Variants in LARP4B observed in about 807,000 individuals in gnomAD.
The protein encoded by LARP4B is La ribonucleoprotein 4B.
Under a neutral mutation model 89.8 loss-of-function variants are expected in LARP4B, and 12 were observed. The ratio of observed to expected loss-of-function variants is 0.13; its 90% CI spans 0.09 to 0.22. The LOEUF is 0.22. LARP4B is among the 10% of genes least tolerant of loss of function. The pLI is 1.00. For missense variants in LARP4B, 757 were observed against 947.7 expected (o/e 0.80, Z 2.64); for synonymous variants, 367 against 363.3 (o/e 1.01, Z -0.12).
At chr10:983,455 TCA>T in the LARP4B span, among the ~76,000 whole-genome samples, 2 of 152,182 alleles carry the variant, frequency 1.3e-5, no homozygotes, top group Non-Finnish European at 2.9e-5. Flanking sequence ...AATTTTCTTT[TCA>T]CAGTTTTGGA....
intron 5 of LARP4B, among the ~76,000 whole-genome samples, chr10:848,437 G>A (rs947496707): frequency 6.6e-6 from 1 of 152,012 alleles, no homozygotes; most frequent in African/African-American, 2.4e-5. Context: ...CCATGACAAT[G>A]AGAAGTATCA....
At chr10:907,634 A>G (rs1025674788) in intron 1 of LARP4B, among the ~76,000 whole-genome samples, 1 of 152,204 alleles carries the variant, frequency 6.6e-6, no homozygotes, top group African/African-American at 2.4e-5. Flanking sequence ...AGATCGTGAA[A>G]TATATATATT....
the LARP4B span, among the ~76,000 whole-genome samples, chr10:959,819 G>A: frequency 4.4e-5 from 4 of 91,324 alleles, no homozygotes; most frequent in African/African-American, 1.3e-4. Context: ...CCACCTCCTC[G>A]TCATTCCCAC....
At chr10:915,627 A>T (rs1014038646) in intron 1 of LARP4B, among the ~76,000 whole-genome samples, 1 of 151,996 alleles carries the variant, frequency 6.6e-6, no homozygotes, top group Non-Finnish European at 1.5e-5. Context: ...ACACGGTGAA[A>T]CCCCATCTCT....
rs1043131296 is a variant in LARP4B, at chr10:873,012, C to T, written c.142-8742G>A. ...GTACGGTGAACCTCCTCACCTTTGA[C>T]GGTATCAAATAATGAAGACAAAGTT... On this transcript the variant is annotated intron_variant, in intron 3 of 17. Transcript: ENST00000316157. The T allele has an allele frequency of 2.5e-5, 25 of 984,540 alleles. No individual in the cohort carries two copies. The African/African-American group carries it at 3.0e-4, about 12-fold the overall frequency. 61.0% of individuals were successfully genotyped at this position (984,540 alleles called of 1,614,324 possible). A position where few individuals can be genotyped will look rare whatever the true frequency, so the allele number is the denominator to read the frequency against.
intron 1 of LARP4B, among the ~76,000 whole-genome samples, chr10:902,739 G>A (rs1283886280): frequency 2.0e-5 from 3 of 151,528 alleles, no homozygotes; most frequent in African/African-American, 7.3e-5. Context: ...CCACATCCCA[G>A]GTTCAAGTGA....
the LARP4B span, among the ~76,000 whole-genome samples, chr10:975,525 T>C: frequency 1.9e-4 from 29 of 152,238 alleles, no homozygotes; most frequent in African/African-American, 6.5e-4. Flanking sequence ...ATGGAAGAAA[T>C]GCTGTTTTCT....
At chr10:855,794 C>T (rs1364995697) in intron 5 of LARP4B, among the ~76,000 whole-genome samples, 1 of 152,200 alleles carries the variant, frequency 6.6e-6, no homozygotes, top group Non-Finnish European at 1.5e-5. Flanking sequence ...GTGGTAGCTG[C>T]AAAGCACAAT....
At chr10:972,493 T>A in the LARP4B span, 1 of 456,782 alleles carries the variant, frequency 2.2e-6, no homozygotes, top group Non-Finnish European at 4.4e-6. Context: ...CAGCTCTCAT[T>A]CTATTCTCAG....
intron 1 of LARP4B, among the ~76,000 whole-genome samples, chr10:902,454 T>C (rs1460924306): frequency 7.9e-5 from 12 of 151,952 alleles, no homozygotes; most frequent in African/African-American, 2.9e-4. Flanking sequence ...GAAAAGCAAA[T>C]GGAAAAGTTG....
upstream of LARP4B, among the ~76,000 whole-genome samples, chr10:936,032 CTTTTA>C (rs1253853388): frequency 6.6e-6 from 1 of 152,022 alleles, no homozygotes; most frequent in Non-Finnish European, 1.5e-5. Context: ...GGTGAACATT[CTTTTA>C]TTTTATCCCG....
intron 1 of LARP4B, among the ~76,000 whole-genome samples, chr10:910,237 C>T (rs1836631400): frequency 6.6e-6 from 1 of 152,138 alleles, no homozygotes; most frequent in African/African-American, 2.4e-5. Context: ...TAAAAATCTA[C>T]TTCCAACTTC....
At position 812,800 on chromosome 10, in the gene LARP4B, C is replaced by G. The variant is rs188031987; in HGVS notation, c.*126G>C. 3.6e-6 allele frequency: 3 copies of G among 833,358 alleles called. No individual in the cohort carries two copies. In the African/African-American group the frequency reaches 5.2e-5, roughly 15 times the overall value. The allele number at this position is 833,358 out of a possible 1,614,324, so 51.6% of individuals were successfully genotyped here. On this transcript the variant is annotated 3_prime_UTR_variant, in exon 18 of 18. Coordinates refer to ENST00000316157, the MANE Select transcript of LARP4B (RefSeq NM_015155.3). ...AATCCAACTCACAGAAGAAAACCAACTTGAGGATCCCACAGGCCTCAGACA... is the reference window on the plus strand; with the variant it reads ...AATCCAACTCACAGAAGAAAACCAAGTTGAGGATCCCACAGGCCTCAGACA...
the LARP4B span, among the ~76,000 whole-genome samples, chr10:958,468 G>T: frequency 6.6e-6 from 1 of 152,174 alleles, no homozygotes; most frequent in Non-Finnish European, 1.5e-5. Context: ...CCTAAGGCAG[G>T]TCCCTTTCTC....
At position 812,974 on chromosome 10, in the gene LARP4B, C is replaced by T. The variant is rs2131587915; in HGVS notation, c.2169G>A (p.Gly723=). ...AGGRPSPSAM[G]KRLSREQSTP... is the part of the protein sequence containing the mutation. ...TGCTCTGCTCTCGGCTGAGACGCTT[C>T]CCCATGGCCGAGGGCGAGGGCCGGC... The change falls in exon 18 of 18, where the codon GGG becomes GGA. Residue 723 remains glycine, a synonymous_variant. Coordinates refer to ENST00000316157, the MANE Select transcript of LARP4B (RefSeq NM_015155.3). The T allele has an allele frequency of 6.3e-7, 1 of 1,575,720 alleles. No homozygotes were observed. Among genetic ancestry groups the T allele is most frequent in the East Asian group, 2.2e-5 (1 of 44,734 alleles).
intron 7 of LARP4B, among the ~76,000 whole-genome samples, chr10:837,352 T>C (rs1027495732): frequency 6.6e-6 from 1 of 152,220 alleles, no homozygotes; most frequent in Non-Finnish European, 1.5e-5. Context: ...ACATATTCTG[T>C]GCTTGTGGGT....
chr10:914,975 A>G (rs566567889), intron 1 of LARP4B, among the ~76,000 whole-genome samples: 1 of 152,328 alleles, frequency 6.6e-6, no homozygotes, highest in South Asian at 2.1e-4. Context: ...TTTTGCTAAA[A>G]TTGAACATTA....
chr10:925,900 T>G (rs906075057), intron 1 of LARP4B, among the ~76,000 whole-genome samples: 1 of 152,226 alleles, frequency 6.6e-6, no homozygotes, highest in Admixed American at 6.5e-5. Context: ...TAAATTACTC[T>G]ATCTGAAAAT....
At chr10:891,561 G>A (rs1182840936) in intron 1 of LARP4B, among the ~76,000 whole-genome samples, 1 of 152,134 alleles carries the variant, frequency 6.6e-6, no homozygotes, top group African/African-American at 2.4e-5. Flanking sequence ...GTGGGGCAGA[G>A]ACCCTGAGGT....
Sources: gnomAD v4.1 joint callset for allele counts (sites outside exome capture counted in the v4.1 genomes callset) on GRCh38, gnomAD v4.1.1 for gene constraint, MANE v1.5 for transcripts, NCBI Gene and HGNC (gene_info 2026-07-23, HGNC 2026-07-21) for gene names.